PGAP1: variants seen among roughly 807,000 people sequenced by gnomAD.
PGAP1 encodes the protein GPI inositol-deacylase.
PGAP1 carries 76 observed loss-of-function variants against 127.0 expected under a neutral mutation model. That is an observed-to-expected ratio of 0.60 (90% CI 0.50 to 0.72). The LOEUF is 0.72. Ranked by LOEUF, PGAP1 falls within the 30% of genes least tolerant of loss-of-function variation. PGAP1 has a pLI of 0.00. For missense variants in PGAP1, 982 were observed against 1,071.3 expected (o/e 0.92, Z 1.16); for synonymous variants, 362 against 366.5 (o/e 0.99, Z 0.14).
At chr2:196,853,028 T>A (rs1417358558) in intron 20 of PGAP1, among the ~76,000 whole-genome samples, 1 of 152,214 alleles carries the variant, frequency 6.6e-6, no homozygotes, top group Non-Finnish European at 1.5e-5. Context: ...AAAAATTTGG[T>A]CCCCTATGTA....
intron 20 of PGAP1, among the ~76,000 whole-genome samples, chr2:196,864,053 C>T (rs888298276): frequency 2.0e-5 from 3 of 151,936 alleles, no homozygotes; most frequent in African/African-American, 7.3e-5. Context: ...TAAATAGGTA[C>T]AATTATGTAT....
At chr2:196,882,158 T>C (rs964165631) in intron 12 of PGAP1, among the ~76,000 whole-genome samples, 18 of 152,188 alleles carry the variant, frequency 1.2e-4, no homozygotes, top group African/African-American at 4.3e-4. Flanking sequence ...CAGAGAGTTG[T>C]AGGTGTGTGG....
At chr2:196,897,252 A>G in intron 6 of PGAP1, 55 bp from the exon 7 acceptor site, 1 of 1,088,218 alleles carries the variant, frequency 9.2e-7, no homozygotes, top group Non-Finnish European at 1.3e-6. Context: ...TATACTTTTG[A>G]TCAAAATATG....
chr2:196,846,202 TG>T (rs1700551478), intron 22 of PGAP1, among the ~76,000 whole-genome samples, 185 bp from the exon 23 acceptor site: 1 of 152,190 alleles, frequency 6.6e-6, no homozygotes, highest in African/African-American at 2.4e-5. Flanking sequence ...AGTTCTGTAA[TG>T]TATTGTGATA....
Position 196,860,000 on chromosome 2 carries a change from T to C in PGAP1, c.1861+4987A>G, listed in dbSNP as rs536346674. Among the ~76,000 whole-genome samples the C allele has an allele frequency of 2.6e-3, 396 of 152,054 alleles. 1 individual carries two copies. The highest frequency in any genetic ancestry group is 3.9e-3 in the Non-Finnish European group (263 of 67,982). On this transcript the variant is annotated intron_variant, in intron 20 of 26. Transcript: ENST00000354764. ...TACTTATTCAATAGAGTACTAGAAGTCCTAGCCAGAGCAACTAGGCAAGAG... is the reference window on the plus strand; with the variant it reads ...TACTTATTCAATAGAGTACTAGAAGCCCTAGCCAGAGCAACTAGGCAAGAG...
intron 20 of PGAP1, 66 bp downstream of exon 20, chr2:196,864,921 G>T: frequency 1.3e-6 from 1 of 798,978 alleles, no homozygotes; most frequent in Non-Finnish European, 1.9e-6. Flanking sequence ...CACATATGTG[G>T]AACTAATAGT....
At chr2:196,860,380 A>G (rs533299776) in intron 20 of PGAP1, among the ~76,000 whole-genome samples, 4 of 152,184 alleles carry the variant, frequency 2.6e-5, no homozygotes, top group Admixed American at 2.6e-4. Context: ...AGAAATACAA[A>G]AAAATTAGCT....
At chr2:196,899,477 A>T (rs1316013776) in intron 5 of PGAP1, among the ~76,000 whole-genome samples, 1 of 152,236 alleles carries the variant, frequency 6.6e-6, no homozygotes, top group Non-Finnish European at 1.5e-5. Flanking sequence ...ACCAGAGTTC[A>T]CTGTCGTTCT....
intron 6 of PGAP1, 30 bp from the exon 7 acceptor site, chr2:196,897,227 A>C: frequency 7.4e-7 from 1 of 1,350,552 alleles, no homozygotes; most frequent in Non-Finnish European, 1.0e-6. Context: ...TTACAAATAA[A>C]ACTTTCTTAA....
intron 4 of PGAP1, among the ~76,000 whole-genome samples, chr2:196,912,206 A>G (rs1287845297): frequency 2.0e-5 from 3 of 152,260 alleles, no homozygotes. Flanking sequence ...AAGTGTTAGC[A>G]TACCTTTGTA....
chr2:196,875,143 T>C (rs1045746610), intron 14 of PGAP1, among the ~76,000 whole-genome samples: 2 of 152,172 alleles, frequency 1.3e-5, no homozygotes, highest in African/African-American at 4.8e-5. Flanking sequence ...TGTCACAGAT[T>C]ATAGGAGACT....
intron 18 of PGAP1, among the ~76,000 whole-genome samples, chr2:196,871,754 A>G (rs1222861734): frequency 6.6e-6 from 1 of 152,200 alleles, no homozygotes; most frequent in Non-Finnish European, 1.5e-5. Context: ...AGTTAGTTCT[A>G]ACAAAGAATC....
intron 10 of PGAP1, among the ~76,000 whole-genome samples, chr2:196,886,185 G>A (rs952331508): frequency 7.0e-6 from 1 of 143,500 alleles, no homozygotes; most frequent in Admixed American, 7.0e-5. Flanking sequence ...TTTTGAGATG[G>A]AGTCTTGCTC....
chr2:196,924,847 C>T (rs1205864340), intron 1 of PGAP1, among the ~76,000 whole-genome samples: 1 of 152,128 alleles, frequency 6.6e-6, no homozygotes. Context: ...ATTTCTACTT[C>T]TGTGAATATT....
At chr2:196,858,005 G>A (rs1413190586) in intron 20 of PGAP1, among the ~76,000 whole-genome samples, 1 of 151,740 alleles carries the variant, frequency 6.6e-6, no homozygotes, top group Non-Finnish European at 1.5e-5. Context: ...CCTTTAGAGA[G>A]CCTCTTTCTG....
intron 19 of PGAP1, among the ~76,000 whole-genome samples, chr2:196,865,772 T>C (rs550858952): frequency 5.3e-5 from 8 of 152,280 alleles, no homozygotes; most frequent in Admixed American, 2.0e-4. Flanking sequence ...CAAGTCATTC[T>C]ATCAGCTCTC....
At chr2:196,896,032 C>G (rs552548174) in intron 7 of PGAP1, among the ~76,000 whole-genome samples, 1 of 152,114 alleles carries the variant, frequency 6.6e-6, no homozygotes, top group Admixed American at 6.5e-5. Flanking sequence ...CTGTTCCCAA[C>G]TTACAGAAAA....
chr2:196,840,455 T>C lies in PGAP1; in HGVS notation c.*779A>G, dbSNP rs1007941772. 1.3e-5 allele frequency: 2 copies of C among 152,114 alleles called. No homozygotes were observed. The highest frequency in any genetic ancestry group is 4.8e-5 in the African/African-American group (2 of 41,428). The allele number at this position is 152,114 out of a possible 1,614,324, so 9.4% of individuals were successfully genotyped here. A position where few individuals can be genotyped will look rare whatever the true frequency, so the allele number is the denominator to read the frequency against. ...GGTATAAACTAAACAACTGAACTGCTCCAATACCAGGAAGCAAATAGCTAC... is the reference window on the plus strand; with the variant it reads ...GGTATAAACTAAACAACTGAACTGCCCCAATACCAGGAAGCAAATAGCTAC... On this transcript the variant is annotated 3_prime_UTR_variant, in exon 27 of 27. Transcript: ENST00000354764.
intron 19 of PGAP1, among the ~76,000 whole-genome samples, chr2:196,866,290 C>G (rs1701239590): frequency 6.6e-6 from 1 of 152,126 alleles, no homozygotes; most frequent in Non-Finnish European, 1.5e-5. Context: ...ACCAAAGGAA[C>G]AGAACAGAGG....
Sources: allele counts gnomAD v4.1 joint callset (sites outside exome capture counted in the v4.1 genomes callset), GRCh38; gene constraint gnomAD v4.1.1; transcripts MANE v1.5; gene names NCBI Gene and HGNC (gene_info 2026-07-23, HGNC 2026-07-21).